SLC16A12: variants seen among roughly 807,000 people sequenced by gnomAD.
The protein encoded by SLC16A12 is monocarboxylate transporter 12.
In SLC16A12, 17 loss-of-function variants were observed where a neutral mutation model predicts 42.4. The ratio of observed to expected loss-of-function variants is 0.40; its 90% CI spans 0.27 to 0.60. SLC16A12 has a LOEUF of 0.60. Among genes scored for constraint, SLC16A12 ranks in the 20% least tolerant of loss-of-function variants. SLC16A12 has a pLI of 0.42. For synonymous variants in SLC16A12, 224 were observed against 229.4 expected (o/e 0.98, Z 0.21); for missense variants, 544 against 623.0 (o/e 0.87, Z 1.35).
upstream of SLC16A12, among the ~76,000 whole-genome samples, chr10:89,538,904 T>C (rs1318870947): frequency 6.6e-6 from 1 of 152,192 alleles, no homozygotes; most frequent in Non-Finnish European, 1.5e-5. Context: ...CAAAATCAGT[T>C]TGGCAATAAC....
chr10:89,551,992 G>C (rs1458777030), intron 2 of SLC16A12, among the ~76,000 whole-genome samples: 1 of 152,204 alleles, frequency 6.6e-6, no homozygotes, highest in Non-Finnish European at 1.5e-5. Context: ...CTGGAGCGCA[G>C]TGGTGTGATC....
chr10:89,479,677 G>A (rs1291837206), intron 2 of SLC16A12, among the ~76,000 whole-genome samples: 1 of 152,078 alleles, frequency 6.6e-6, no homozygotes, highest in African/African-American at 2.4e-5. Flanking sequence ...ATGAAATGAG[G>A]TAACCCATAT....
At chr10:89,468,775 C>G (rs1334840108) in intron 2 of SLC16A12, among the ~76,000 whole-genome samples, 1 of 152,132 alleles carries the variant, frequency 6.6e-6, no homozygotes, top group African/African-American at 2.4e-5. Flanking sequence ...CCTGAGCATT[C>G]TTGTAAATAA....
intron 2 of SLC16A12, among the ~76,000 whole-genome samples, chr10:89,517,641 C>T (rs1174210936): frequency 2.0e-5 from 3 of 152,084 alleles, no homozygotes; most frequent in Non-Finnish European, 4.4e-5. Flanking sequence ...AATGTCATTA[C>T]TTTTTAAATC....
chr10:89,437,589 T>A (rs1012873135), intron 6 of SLC16A12, among the ~76,000 whole-genome samples: 1 of 151,992 alleles, frequency 6.6e-6, no homozygotes, highest in Admixed American at 6.6e-5. Context: ...TCTTGCTGAG[T>A]TATTTGATTG....
upstream of SLC16A12, among the ~76,000 whole-genome samples, chr10:89,539,432 C>G (rs943041053): frequency 1.3e-5 from 2 of 152,108 alleles, no homozygotes; most frequent in Non-Finnish European, 2.9e-5. Flanking sequence ...ATAAATAACA[C>G]GTGTGTTAAC....
At chr10:89,529,058 G>A (rs981865203) in intron 2 of SLC16A12, among the ~76,000 whole-genome samples, 6 of 152,162 alleles carry the variant, frequency 3.9e-5, no homozygotes, top group African/African-American at 1.2e-4. Flanking sequence ...TTGTCTGGTT[G>A]AACTATCACT....
intron 7 of SLC16A12, 125 bp from the exon 8 acceptor site, chr10:89,433,451 CA>C: frequency 1.0e-6 from 1 of 976,514 alleles, no homozygotes; most frequent in Non-Finnish European, 1.5e-6. Flanking sequence ...AACTTTGAAA[CA>C]AAAAGAGGTC....
chr10:89,473,154 C>G (rs1564580983), intron 2 of SLC16A12, among the ~76,000 whole-genome samples: 1 of 150,558 alleles, frequency 6.6e-6, no homozygotes, highest in Non-Finnish European at 1.5e-5. Context: ...TGGAAACTGA[C>G]AAGCTGATTC....
chr10:89,551,049 A>G (rs1029734473), intron 2 of SLC16A12, among the ~76,000 whole-genome samples: 1 of 152,236 alleles, frequency 6.6e-6, no homozygotes, highest in Admixed American at 6.5e-5. Flanking sequence ...GAAGTCCATG[A>G]TGTAATCAAG....
chr10:89,553,128 A>G (rs1329240314), intron 2 of SLC16A12, among the ~76,000 whole-genome samples: 1 of 152,206 alleles, frequency 6.6e-6, no homozygotes, highest in Non-Finnish European at 1.5e-5. Context: ...GTGATATTGA[A>G]TCATTTTTTC....
chr10:89,482,254 A>G (rs1345863629), intron 2 of SLC16A12, among the ~76,000 whole-genome samples: 2 of 140,360 alleles, frequency 1.4e-5, no homozygotes, highest in African/African-American at 2.6e-5. Flanking sequence ...AAAAAAAAAG[A>G]AGAAGAAAAG....
chr10:89,542,193 A>T (rs1406850052), intron 2 of SLC16A12, among the ~76,000 whole-genome samples: 1 of 152,212 alleles, frequency 6.6e-6, no homozygotes, highest in Non-Finnish European at 1.5e-5. Flanking sequence ...TTTTTACAAA[A>T]ATATTCAATT....
chr10:89,437,138 T>C (rs1469081681), intron 6 of SLC16A12, among the ~76,000 whole-genome samples: 1 of 152,178 alleles, frequency 6.6e-6, no homozygotes, highest in Non-Finnish European at 1.5e-5. Context: ...AAATACTCAA[T>C]AACCCAAGTG....
At chr10:89,497,683 T>G (rs1244641406) in intron 2 of SLC16A12, among the ~76,000 whole-genome samples, 1 of 152,240 alleles carries the variant, frequency 6.6e-6, no homozygotes, top group East Asian at 1.9e-4. Flanking sequence ...TCATGCTATT[T>G]CTATCCTCTG....
chr10:89,450,755 A>AT (rs1414887777), intron 3 of SLC16A12, among the ~76,000 whole-genome samples: 1 of 152,234 alleles, frequency 6.6e-6, no homozygotes, highest in African/African-American at 2.4e-5. Flanking sequence ...TTAAAGTATA[A>AT]TAAAAAAAAG....
At chr10:89,467,069 T>G (rs143311176) in intron 2 of SLC16A12, among the ~76,000 whole-genome samples, 25 of 152,324 alleles carry the variant, frequency 1.6e-4, no homozygotes, top group African/African-American at 6.0e-4. Flanking sequence ...TACAATCAGT[T>G]GTACCAGTAA....
intron 2 of SLC16A12, among the ~76,000 whole-genome samples, chr10:89,507,100 A>G (rs765702687): frequency 1.3e-5 from 2 of 152,218 alleles, no homozygotes; most frequent in Non-Finnish European, 2.9e-5. Flanking sequence ...TCTACATTTG[A>G]TTGGTGTACC....
intron 2 of SLC16A12, among the ~76,000 whole-genome samples, chr10:89,486,559 T>C (rs1842743508): frequency 7.8e-6 from 1 of 128,850 alleles, no homozygotes; most frequent in Non-Finnish European, 1.6e-5. Flanking sequence ...GCCACTGTAC[T>C]CCAGCCTAGG....
Sources: gnomAD v4.1 joint callset for allele counts (sites outside exome capture counted in the v4.1 genomes callset) on GRCh38, gnomAD v4.1.1 for gene constraint, MANE v1.5 for transcripts, NCBI Gene and HGNC (gene_info 2026-07-23, HGNC 2026-07-21) for gene names.